The following CMSS1 variants were observed in gnomAD, a reference collection of about 807,000 sequenced individuals.
The protein encoded by CMSS1 is protein CMSS1.
CMSS1 carries 33 observed loss-of-function variants against 43.5 expected under a neutral mutation model. The observed-to-expected ratio is 0.76, with a 90% confidence interval of 0.57 to 1.01. The LOEUF (loss-of-function observed/expected upper bound fraction) is 1.01. Ranked by LOEUF, CMSS1 falls within the 50% of genes least tolerant of loss-of-function variation. CMSS1 has a pLI of 0.00. For missense variants in CMSS1, 313 were observed against 326.4 expected, an observed-to-expected ratio of 0.96 and a Z score of 0.32; for synonymous variants, 115 against 117.2, an observed-to-expected ratio of 0.98 and a Z score of 0.12.
intron 1 of CMSS1, among the ~76,000 whole-genome samples, chr3:99,975,064 A>G (rs1414666323): frequency 2.0e-5 from 3 of 152,236 alleles, no homozygotes; most frequent in African/African-American, 7.2e-5. Flanking sequence ...CTAATGTTCC[A>G]GGAACTATAC....
At chr3:100,016,710 C>G (rs942947842) in intron 1 of CMSS1, among the ~76,000 whole-genome samples, 1 of 152,182 alleles carries the variant, frequency 6.6e-6, no homozygotes, top group Non-Finnish European at 1.5e-5. Flanking sequence ...CTCTTGAATC[C>G]TTTTTATCCT....
At chr3:100,001,977 C>A (rs1482316721) in intron 1 of CMSS1, among the ~76,000 whole-genome samples, 1 of 151,858 alleles carries the variant, frequency 6.6e-6, no homozygotes, top group African/African-American at 2.4e-5. Flanking sequence ...TTGTCCATAT[C>A]CCCCCCAATT....
chr3:99,844,933 C>T (rs558091784), intron 1 of CMSS1, among the ~76,000 whole-genome samples: 17 of 152,238 alleles, frequency 1.1e-4, no homozygotes, highest in Middle Eastern at 3.4e-3. Flanking sequence ...GAGGCCTCCC[C>T]CAGCCATGAG....
At chr3:99,936,188 T>G (rs1019639507) in intron 1 of CMSS1, among the ~76,000 whole-genome samples, 3 of 152,028 alleles carry the variant, frequency 2.0e-5, no homozygotes, top group Non-Finnish European at 2.9e-5. Flanking sequence ...TCATTTTTGG[T>G]CTTGGTCATT....
chr3:100,020,953 G>T (rs529478552), intron 1 of CMSS1, among the ~76,000 whole-genome samples: 1 of 151,874 alleles, frequency 6.6e-6, no homozygotes, highest in African/African-American at 2.4e-5. Flanking sequence ...TTTTTAGTAG[G>T]GACAGGGTTT....
At chr3:100,163,031 A>C (rs551066343) in intron 4 of CMSS1, among the ~76,000 whole-genome samples, 2 of 152,364 alleles carry the variant, frequency 1.3e-5, no homozygotes, top group Non-Finnish European at 2.9e-5. Context: ...TTTAACTGAT[A>C]GATTATATCA....
rs139566321 is a variant in CMSS1, at chr3:99,830,263, C to T, written c.64+12220C>T. On this transcript the variant is annotated intron_variant, in intron 1 of 9. Coordinates refer to ENST00000421999, the MANE Select transcript of CMSS1 (RefSeq NM_032359.4). ...CATATAGAAGTAAAATAATTGTAGA[C>T]GTGCTGCTTTTTGGGGGATGATCTT... The T allele has an allele frequency of 2.1e-3, 730 of 341,258 alleles. 9 individuals carry two copies. Among genetic ancestry groups the T allele is most frequent in the African/African-American group, 0.015 (686 of 46,698 alleles). The allele number at this position is 341,258 out of a possible 1,614,324, so 21.1% of individuals were successfully genotyped here. A position where few individuals can be genotyped will look rare whatever the true frequency, so the allele number is the denominator to read the frequency against.
intron 1 of CMSS1, among the ~76,000 whole-genome samples, chr3:100,133,180 T>C (rs1467374149): frequency 6.6e-6 from 1 of 152,186 alleles, no homozygotes; most frequent in Non-Finnish European, 1.5e-5. Context: ...TAAGTAATGA[T>C]AGAAGAACAA....
intron 1 of CMSS1, chr3:99,830,096 T>C (rs1470234299): frequency 6.4e-6 from 1 of 156,860 alleles, no homozygotes; most frequent in Non-Finnish European, 1.4e-5. Context: ...ACCAGAAAAC[T>C]CTTGAACTGT....
At chr3:99,932,653 G>T (rs1707521167) in intron 1 of CMSS1, among the ~76,000 whole-genome samples, 1 of 152,144 alleles carries the variant, frequency 6.6e-6, no homozygotes, top group South Asian at 2.1e-4. Flanking sequence ...ACTTTGGGAG[G>T]CCGAGGCAGG....
chr3:100,178,222 G>T, intron 9 of CMSS1, 83 bp from the exon 10 acceptor site: 1 of 750,046 alleles, frequency 1.3e-6, no homozygotes. Flanking sequence ...GTAAATATCA[G>T]GGAGTCCTGA....
At chr3:100,091,217 G>A (rs1456522240) in intron 1 of CMSS1, among the ~76,000 whole-genome samples, 2 of 151,464 alleles carry the variant, frequency 1.3e-5, no homozygotes, top group South Asian at 2.1e-4. Context: ...CCTGGAAGGC[G>A]GAACTTGCAG....
Position 100,167,733 on chromosome 3 carries a change from TCCAG to T in CMSS1, c.416-4_416-1del. The T allele has an allele frequency of 6.3e-7, 1 of 1,594,120 alleles. No homozygotes were observed. On this transcript the variant is annotated splice_acceptor_variant and splice_polypyrimidine_tract_variant and intron_variant, in intron 5 of 9. Coordinates refer to ENST00000421999, the MANE Select transcript of CMSS1 (RefSeq NM_032359.4). LOFTEE classifies it high-confidence loss of function. ...CAAATAATTGTTTTCTGTTCTTTTT[TCCAG>T]TTTGTCCTAAGTGGGTAAAACTTAG...
chr3:99,914,879 A>G (rs751472267), intron 1 of CMSS1, among the ~76,000 whole-genome samples: 4 of 152,354 alleles, frequency 2.6e-5, no homozygotes, highest in African/African-American at 7.2e-5. Flanking sequence ...GTATTCATCT[A>G]CTTTCATTGT....
intron 1 of CMSS1, among the ~76,000 whole-genome samples, chr3:100,034,718 G>A (rs898795585): frequency 5.3e-5 from 8 of 152,174 alleles, no homozygotes; most frequent in Admixed American, 4.6e-4. Flanking sequence ...ACACCTGCTT[G>A]AAATAATGTT....
At chr3:99,930,078 T>G (rs190653016) in intron 1 of CMSS1, 1 of 1,457,048 alleles carries the variant, frequency 6.9e-7, no homozygotes, top group East Asian at 2.4e-5. Context: ...CTACCAGCAG[T>G]CTCAGCAAGT....
At chr3:100,157,102 A>G (rs928958396) in intron 2 of CMSS1, among the ~76,000 whole-genome samples, 2 of 152,202 alleles carry the variant, frequency 1.3e-5, no homozygotes, top group African/African-American at 2.4e-5. Context: ...CATTTATTGA[A>G]AAATTGAATC....
chr3:100,017,421 A>G (rs1371701774), intron 1 of CMSS1, among the ~76,000 whole-genome samples: 1 of 152,222 alleles, frequency 6.6e-6, no homozygotes, highest in Non-Finnish European at 1.5e-5. Context: ...TTAGCTCATC[A>G]CATTTCTTCA....
intron 1 of CMSS1, among the ~76,000 whole-genome samples, chr3:100,026,412 C>T (rs2064922375): frequency 6.6e-6 from 1 of 151,956 alleles, no homozygotes; most frequent in African/African-American, 2.4e-5. Context: ...CGATAGTGAA[C>T]CAAAGGGCCA....
Sources: allele counts gnomAD v4.1 joint callset (sites outside exome capture counted in the v4.1 genomes callset), GRCh38; gene constraint gnomAD v4.1.1; transcripts MANE v1.5; gene names NCBI Gene and HGNC (gene_info 2026-07-23, HGNC 2026-07-21).